Variants in S100A13 observed in about 807,000 individuals in gnomAD.
S100A13 encodes the protein S100 calcium binding protein A13.
A neutral mutation model predicts 8.2 loss-of-function variants in S100A13; 6 were observed. The observed-to-expected ratio is 0.73, with a 90% confidence interval of 0.40 to 1.44. The LOEUF (loss-of-function observed/expected upper bound fraction) is 1.44, where lower values mean the gene tolerates loss of function less well. Among genes scored for constraint, S100A13 ranks in the 40% most tolerant of loss-of-function variants. The pLI, the probability that S100A13 is intolerant of heterozygous loss-of-function variation, is 0.02. For synonymous variants in S100A13, 39 were observed against 45.9 expected (o/e 0.85, Z 0.61); for missense variants, 114 against 113.6 (o/e 1.00, Z -0.02).
upstream of S100A13, chr1:153,627,868 GAC>G (rs1047004919): frequency 2.9e-6 from 2 of 680,550 alleles, no homozygotes; most frequent in African/African-American, 3.6e-5. Flanking sequence ...CCCAATCTGA[GAC>G]ACACACAGAG....
intron 2 of S100A13, among the ~76,000 whole-genome samples, chr1:153,622,663 A>T (rs1466486844): frequency 2.0e-5 from 3 of 152,212 alleles, no homozygotes; most frequent in Non-Finnish European, 4.4e-5. Flanking sequence ...ACATTTAAAA[A>T]TTAGGCCTCA....
At chr1:153,626,005 T>C (rs1353713880) in intron 2 of S100A13, among the ~76,000 whole-genome samples, 1 of 152,064 alleles carries the variant, frequency 6.6e-6, no homozygotes, top group Non-Finnish European at 1.5e-5. Flanking sequence ...CTGTCTCTAC[T>C]AAAAATACAG....
intron 2 of S100A13, among the ~76,000 whole-genome samples, chr1:153,619,393 G>A (rs907966924): frequency 3.9e-5 from 6 of 152,174 alleles, no homozygotes; most frequent in Non-Finnish European, 2.9e-5. Flanking sequence ...CTGTGGGATC[G>A]GCCCAAGGAA....
At chr1:153,627,851 TGA>T (rs1667762003), upstream of S100A13, 5 of 621,146 alleles carry the variant, frequency 8.0e-6, no homozygotes, top group African/African-American at 9.2e-5. Context: ...AGCTCAACAC[TGA>T]GAGGCCCAAT....
At chr1:153,634,016 CT>C (rs1443766052), upstream of S100A13, 2 of 152,514 alleles carry the variant, frequency 1.3e-5, no homozygotes, top group Non-Finnish European at 2.9e-5. Context: ...GATCTGACGC[CT>C]GACGTAATTG....
intron 2 of S100A13, among the ~76,000 whole-genome samples, chr1:153,625,231 CA>C (rs1255343821): frequency 6.6e-6 from 1 of 151,618 alleles, no homozygotes; most frequent in South Asian, 2.1e-4. Context: ...AACCCTGTCT[CA>C]AAAAAAAGTC....
intron 2 of S100A13, among the ~76,000 whole-genome samples, chr1:153,621,549 G>T (rs1667250624): frequency 6.6e-6 from 1 of 151,744 alleles, no homozygotes; most frequent in Admixed American, 6.5e-5. Flanking sequence ...AAGGCGGGTG[G>T]ATAACTCGAG....
chr1:153,619,028 G>A lies in S100A13; in HGVS notation c.164C>T (p.Ser55Phe). 1 of 1,613,960 alleles carries A rather than the reference G, an allele frequency of 6.2e-7. No homozygotes were observed. The highest frequency in any genetic ancestry group is 8.5e-7 in the Non-Finnish European group (1 of 1,179,926). ...QLPHLLKDVG[S>F]LDEKMKSLDV... is the part of the protein sequence containing the mutation. The stretch of plus-strand genomic sequence containing the variant: ...CAAGCTCTTCATCTTCTCATCAAGA[G>A]AGCCCACATCCTGAGGAGACACCAA... Residue 55 changes from serine to phenylalanine, a missense_variant, in exon 3 of 3, where the codon TCT (serine) becomes TTT (phenylalanine). Ser to Phe is a radical substitution (Grantham distance 155, BLOSUM62 -2). Transcript: ENST00000476133.
rs545376660 is a variant in S100A13, at chr1:153,626,199, C to T, written c.153+121G>A. 77 of 857,172 alleles carry T rather than the reference C, an allele frequency of 9.0e-5. 1 individual carries two copies. In the African/African-American group the frequency reaches 1.1e-3, roughly 12 times the overall value. 53.1% of individuals were successfully genotyped at this position (857,172 alleles called of 1,614,324 possible). On this transcript the variant is annotated intron_variant, in intron 2 of 2. Transcript: ENST00000476133. Reference sequence around the variant, plus strand: ...ACAAAAGAAAACCTGCAACCATTGACACATGCAGCCACCCACACCCTTTCT... The same window carrying T: ...ACAAAAGAAAACCTGCAACCATTGATACATGCAGCCACCCACACCCTTTCT...
At chr1:153,632,321 G>C (rs1383262843), upstream of S100A13, 2 of 144,156 alleles carry the variant, frequency 1.4e-5, no homozygotes, top group Admixed American at 7.4e-5. Flanking sequence ...ACCCAGGCTG[G>C]AGGGCAGTGG....
chr1:153,620,403 G>C (rs1667163893), intron 2 of S100A13, among the ~76,000 whole-genome samples: 1 of 151,218 alleles, frequency 6.6e-6, no homozygotes, highest in Non-Finnish European at 1.5e-5. Flanking sequence ...AGAGGCTGTA[G>C]TGAGCCGAGA....
At chr1:153,624,431 A>G (rs1667467842) in intron 2 of S100A13, among the ~76,000 whole-genome samples, 3 of 152,164 alleles carry the variant, frequency 2.0e-5, no homozygotes, top group Admixed American at 2.0e-4. Context: ...CAGGTGGCAG[A>G]TGATCTTCCA....
At chr1:153,630,889 A>G, upstream of S100A13, 1 of 523,506 alleles carries the variant, frequency 1.9e-6, no homozygotes, top group Admixed American at 3.5e-5. Flanking sequence ...GTGTAGATTC[A>G]TCAATAATAA....
chr1:153,626,254 C>G, intron 2 of S100A13, 66 bp downstream of exon 2: 1 of 1,455,116 alleles, frequency 6.9e-7, no homozygotes, highest in Middle Eastern at 1.8e-4. Context: ...TCGGCACCAT[C>G]ACGTCCTAAA....
upstream of S100A13, chr1:153,628,330 T>C: frequency 2.6e-6 from 4 of 1,525,054 alleles, no homozygotes; most frequent in Admixed American, 4.0e-5. Flanking sequence ...TGTCTGCTCC[T>C]GGCCCCTTGC....
chr1:153,619,155 C>A, intron 2 of S100A13, 117 bp from the exon 3 acceptor site: 2 of 907,804 alleles, frequency 2.2e-6, no homozygotes, highest in South Asian at 3.5e-5. Context: ...AGCAGTGGCA[C>A]CTGCCCCTTC....
upstream of S100A13, chr1:153,630,371 A>T: frequency 9.2e-7 from 1 of 1,084,282 alleles, no homozygotes; most frequent in Non-Finnish European, 1.3e-6. Context: ...AATCTCAGGG[A>T]AAGATCAATT....
At chr1:153,624,547 G>GAAAAAAAAA (rs34952512) in intron 2 of S100A13, among the ~76,000 whole-genome samples, 1 of 109,294 alleles carries the variant, frequency 9.1e-6, no homozygotes, top group African/African-American at 3.2e-5. Flanking sequence ...TTGAATTTAG[G>GAAAAAAAAA]AAAAAAAAAA....
In S100A13 at chr1:153,626,438, G is replaced by A; in HGVS notation, c.35C>T (p.Ser12Phe). The A allele has an allele frequency of 6.2e-7, 1 of 1,614,206 alleles. No individual in the cohort carries two copies. The highest frequency in any genetic ancestry group is 8.5e-7 in the Non-Finnish European group (1 of 1,180,042). Residue 12 changes from serine to phenylalanine, a missense_variant, in exon 2 of 3, where the codon TCC (serine) becomes TTC (phenylalanine). Ser to Phe is a radical substitution (Grantham distance 155, BLOSUM62 -2). Transcript: ENST00000476133. Reference sequence around the variant, plus strand: ...GAAGGTGGTGACCACGGTCTCAATGGACTCCTCTAGCTCTGTCAGTGGTTC... The same window carrying A: ...GAAGGTGGTGACCACGGTCTCAATGAACTCCTCTAGCTCTGTCAGTGGTTC... ...AAEPLTELEE[S>F]IETVVTTFFT...
Sources: allele counts gnomAD v4.1 joint callset (sites outside exome capture counted in the v4.1 genomes callset), GRCh38; gene constraint gnomAD v4.1.1; transcripts MANE v1.5; gene names NCBI Gene and HGNC (gene_info 2026-07-23, HGNC 2026-07-21).